The following FRMPD4 variants were observed in gnomAD, a reference collection of about 807,000 sequenced individuals.
FRMPD4 encodes the protein FERM and PDZ domain containing 4, also known as FERM and PDZ domain-containing protein 4.
FRMPD4 carries 22 observed loss-of-function variants against 94.1 expected under a neutral mutation model. That is an observed-to-expected ratio of 0.23 (90% CI 0.17 to 0.33). The LOEUF (loss-of-function observed/expected upper bound fraction) is 0.33. Among genes scored for constraint, FRMPD4 ranks in the 10% least tolerant of loss-of-function variants. The pLI is 1.00. For synonymous variants in FRMPD4, 631 were observed against 548.6 expected (o/e 1.15, Z -2.10); for missense variants, 1,111 against 1,339.9 (o/e 0.83, Z 2.67).
chrX:11,862,331 C>A (rs1289063437), intron 1 of FRMPD4, among the ~76,000 whole-genome samples: 1 of 110,844 alleles, frequency 9.0e-6, no homozygotes, highest in Admixed American at 9.6e-5. Flanking sequence ...GTCTTTGGGG[C>A]TCATATGGGT....
intron 1 of FRMPD4, among the ~76,000 whole-genome samples, chrX:12,426,262 T>A (rs1303008538): frequency 3.6e-5 from 4 of 111,024 alleles, no homozygotes; most frequent in African/African-American, 1.3e-4. Flanking sequence ...GTAACCCCTC[T>A]TGAATTGCAC....
intron 2 of FRMPD4, among the ~76,000 whole-genome samples, chrX:12,517,597 CA>C (rs1346430128): frequency 8.9e-6 from 1 of 112,416 alleles, no homozygotes; most frequent in Non-Finnish European, 1.9e-5. Flanking sequence ...ATCTCTGTCC[CA>C]GAGGGGCACC....
chrX:12,041,088 A>C (rs969953786), intron 3 of FRMPD4, among the ~76,000 whole-genome samples: 7 of 111,673 alleles, frequency 6.3e-5, no homozygotes, highest in African/African-American at 2.3e-4. Context: ...ATACAGCTTT[A>C]CCTTTCCCCC....
At chrX:12,233,430 C>T (rs2057034763) in intron 1 of FRMPD4, among the ~76,000 whole-genome samples, 1 of 111,321 alleles carries the variant, frequency 9.0e-6, no homozygotes, top group African/African-American at 3.3e-5. Context: ...TCTGGCAACC[C>T]TATATGTTTG....
chrX:12,528,741 C>T (rs1288443791), intron 2 of FRMPD4, among the ~76,000 whole-genome samples: 1 of 112,053 alleles, frequency 8.9e-6, no homozygotes, highest in Non-Finnish European at 1.9e-5. Context: ...AACAGCATTG[C>T]TAAGTGGAAG....
At chrX:12,337,866 T>C (rs2055551449) in intron 1 of FRMPD4, among the ~76,000 whole-genome samples, 1 of 112,711 alleles carries the variant, frequency 8.9e-6, no homozygotes, top group African/African-American at 3.2e-5. Context: ...TGTATACTTG[T>C]CTCAGTCCAT....
intron 2 of FRMPD4, among the ~76,000 whole-genome samples, chrX:12,602,575 A>T (rs2059094688): frequency 8.9e-6 from 1 of 112,055 alleles, no homozygotes; most frequent in Admixed American, 9.5e-5. Context: ...TTTATTAATA[A>T]ATACTATTTT....
intron 3 of FRMPD4, among the ~76,000 whole-genome samples, chrX:12,077,697 C>T (rs2055031319): frequency 9.0e-6 from 1 of 111,131 alleles, no homozygotes; most frequent in Admixed American, 9.6e-5. Flanking sequence ...CTTTGATGCA[C>T]TGCTGCCAGT....
chrX:11,872,586 T>C (rs73188585), intron 2 of FRMPD4, among the ~76,000 whole-genome samples: 80 of 112,368 alleles, frequency 7.1e-4, no homozygotes, highest in Non-Finnish European at 1.4e-3. Flanking sequence ...TGACAGCACG[T>C]AGATAACACA....
intron 1 of FRMPD4, among the ~76,000 whole-genome samples, chrX:12,147,199 A>G (rs2055780938): frequency 8.9e-6 from 1 of 111,877 alleles, no homozygotes; most frequent in Non-Finnish European, 1.9e-5. Context: ...TTTCCATGTG[A>G]CATTATAGTT....
chrX:12,300,368 A>G lies in FRMPD4; in HGVS notation c.41+161356A>G, dbSNP rs745646158. Among the ~76,000 whole-genome samples, 9 of 111,851 alleles carry G rather than the reference A, an allele frequency of 8.0e-5. No homozygotes were observed. The East Asian group carries it at 1.7e-3, about 21-fold the overall frequency. On this transcript the variant is annotated intron_variant, in intron 1 of 16. Transcript: ENST00000675598. The stretch of plus-strand genomic sequence containing the variant: ...ATGAACAACCAGGGGAGGGCCAGTA[A>G]GGCTCTGGAGGCAGGATGGAAAGGG...
chrX:12,396,068 G>A (rs184775705), intron 1 of FRMPD4: 10 of 119,453 alleles, frequency 8.4e-5, no homozygotes, highest in African/African-American at 2.3e-4. Context: ...TTGATGGCCC[G>A]GGCAATTTCA....
chrX:12,576,073 C>A (rs1289378479), intron 2 of FRMPD4, among the ~76,000 whole-genome samples: 1 of 112,099 alleles, frequency 8.9e-6, no homozygotes, highest in Admixed American at 9.4e-5. Flanking sequence ...GGAGGACTGA[C>A]CCCAGGGTAA....
intron 2 of FRMPD4, among the ~76,000 whole-genome samples, chrX:12,541,257 G>A (rs773404281): frequency 8.6e-4 from 96 of 111,643 alleles, no homozygotes; most frequent in African/African-American, 2.9e-3. Flanking sequence ...AACTGAAGGA[G>A]ATAGAGACAC....
chrX:12,547,257 C>T (rs954233402), intron 2 of FRMPD4, among the ~76,000 whole-genome samples: 14 of 110,695 alleles, frequency 1.3e-4, no homozygotes, highest in Admixed American at 3.9e-4. Flanking sequence ...AGTAATCGGC[C>T]GAAGGACACA....
chrX:12,405,878 C>T (rs1232518928), intron 1 of FRMPD4, among the ~76,000 whole-genome samples: 2 of 111,373 alleles, frequency 1.8e-5, no homozygotes, highest in East Asian at 5.6e-4. Context: ...TTCCCCAACA[C>T]CACTGGTTCT....
chrX:12,306,005 C>A (rs2054934652), intron 1 of FRMPD4, among the ~76,000 whole-genome samples: 1 of 106,126 alleles, frequency 9.4e-6, no homozygotes, highest in Non-Finnish European at 1.9e-5. Flanking sequence ...CCCTAACCAC[C>A]ACCTTGGCTA....
chrX:12,702,365 C>T (rs952205657), intron 10 of FRMPD4, among the ~76,000 whole-genome samples: 8 of 112,019 alleles, frequency 7.1e-5, no homozygotes, highest in African/African-American at 2.3e-4. Context: ...ATTTTACAGA[C>T]GAGCAAACCG....
chrX:12,382,337 G>C (rs1316931737), intron 1 of FRMPD4, among the ~76,000 whole-genome samples: 1 of 111,372 alleles, frequency 9.0e-6, no homozygotes, highest in African/African-American at 3.3e-5. Context: ...GGGCAGAGGG[G>C]TATGATACTG....
Sources: allele counts gnomAD v4.1 joint callset (sites outside exome capture counted in the v4.1 genomes callset), GRCh38; gene constraint gnomAD v4.1.1; transcripts MANE v1.5; gene names NCBI Gene and HGNC (gene_info 2026-07-23, HGNC 2026-07-21).